FGFR1: variants seen among roughly 807,000 people sequenced by gnomAD.
The protein encoded by FGFR1 is fibroblast growth factor receptor 1, also known as FGFR1/PLAG1 fusion.
Under a neutral mutation model 93.7 loss-of-function variants are expected in FGFR1, and 18 were observed. The observed-to-expected ratio is 0.19, with a 90% CI of 0.13 to 0.28. The LOEUF is 0.28. Among genes scored for constraint, FGFR1 ranks in the 10% least tolerant of loss-of-function variants. The pLI is 1.00. For missense variants in FGFR1, 731 were observed against 1,080.4 expected, an observed-to-expected ratio of 0.68 and a Z score of 4.53; for synonymous variants, 448 against 429.3, an observed-to-expected ratio of 1.04 and a Z score of -0.54.
At chr8:38,415,191 G>C (rs1815972816) in intron 13 of FGFR1, among the ~76,000 whole-genome samples, 1 of 152,206 alleles carries the variant, frequency 6.6e-6, no homozygotes, top group African/African-American at 2.4e-5. Context: ...AGTCCACATG[G>C]GGCTGGGCTC....
In FGFR1 at chr8:38,411,310, A is replaced by C. The variant is rs1390700763; in HGVS notation, c.*2318T>G. 4 of 212,562 alleles carry C rather than the reference A, an allele frequency of 1.9e-5. No homozygotes were observed. Among genetic ancestry groups the C allele is most frequent in the African/African-American group, 9.0e-5 (4 of 44,214 alleles). 13.2% of individuals were successfully genotyped at this position (212,562 alleles called of 1,614,324 possible). A position where few individuals can be genotyped will look rare whatever the true frequency, so the allele number is the denominator to read the frequency against. ...ACTTTTAGATTCTTCATCCCTTCAC[A>C]CAACATTGCTTCAAGGTAGGGCCAA... On this transcript the variant is annotated 3_prime_UTR_variant, in exon 18 of 18. Transcript: ENST00000447712.
chr8:38,465,227 G>C (rs1187930874), intron 1 of FGFR1, among the ~76,000 whole-genome samples: 1 of 152,216 alleles, frequency 6.6e-6, no homozygotes, highest in Non-Finnish European at 1.5e-5. Flanking sequence ...CACCCTCCAT[G>C]GCCAGAGGCC....
At chr8:38,456,831 A>C (rs960128901) in intron 2 of FGFR1, among the ~76,000 whole-genome samples, 1 of 152,048 alleles carries the variant, frequency 6.6e-6, no homozygotes, top group African/African-American at 2.4e-5. Context: ...TTAGCCTCCC[A>C]GAGTGCTGAG....
Position 38,416,023 on chromosome 8 carries a change from G to T in FGFR1, c.1701C>A (p.Gly567=), listed in dbSNP as rs746696299. 6.2e-7 allele frequency: 1 copy of T among 1,613,674 alleles called. No individual in the cohort carries two copies. The stretch of plus-strand genomic sequence containing the variant: ...GGGCCTGCAGGTACTCCCGCAGGTT[G>T]CCCTTGGAGGCATACTCCACGATGA... ...LYVIVEYASK[G]NLREYLQARR... Residue 567 remains glycine (G), a synonymous_variant, in exon 13 of 18, where the codon GGC becomes GGA. Coordinates refer to ENST00000447712, the MANE Select transcript of FGFR1 (RefSeq NM_023110.3).
At chr8:38,451,077 T>C (rs1830918821) in intron 2 of FGFR1, among the ~76,000 whole-genome samples, 1 of 152,200 alleles carries the variant, frequency 6.6e-6, no homozygotes, top group Non-Finnish European at 1.5e-5. Flanking sequence ...TGCAGATTTC[T>C]AGAGGCCTAA....
Position 38,446,926 on chromosome 8 carries a change from G to A in FGFR1, c.91+10430C>T, listed in dbSNP as rs112331131. On this transcript the variant is annotated intron_variant, in intron 2 of 17. Transcript: ENST00000447712. ...ACTCAGGTGTCGGATCTGACACCTT[G>A]GGAACCTTCTCCATGTAGGTCTTTG... Among the ~76,000 whole-genome samples the A allele has an allele frequency of 5.9e-3, 897 of 152,224 alleles. 14 individuals are homozygous for A. Among genetic ancestry groups the A allele is most frequent in the African/African-American group, 0.02 (851 of 41,534 alleles).
chr8:38,436,344 C>A (rs1825413252), intron 2 of FGFR1, among the ~76,000 whole-genome samples: 1 of 152,110 alleles, frequency 6.6e-6, no homozygotes, highest in Non-Finnish European at 1.5e-5. Flanking sequence ...CACTGCACTC[C>A]AGCCTGGGCA....
At position 38,424,235 on chromosome 8, in the gene FGFR1, C is replaced by A; in HGVS notation, c.936+274G>T. The A allele has an allele frequency of 1.7e-6, 1 of 601,118 alleles. No homozygotes were observed. Among genetic ancestry groups the A allele is most frequent in the Non-Finnish European group, 3.2e-6 (1 of 316,564 alleles). The allele number at this position is 601,118 out of a possible 1,614,324, so 37.2% of individuals were successfully genotyped here. ...CAAATGCCTTCCTTGTGTAGCTGACCCCAAAGCCCCAGTGACGTTGCTCTC... is the reference window on the plus strand; with the variant it reads ...CAAATGCCTTCCTTGTGTAGCTGACACCAAAGCCCCAGTGACGTTGCTCTC... On this transcript the variant is annotated intron_variant, in intron 7 of 17. Coordinates refer to ENST00000447712, the MANE Select transcript of FGFR1 (RefSeq NM_023110.3). The surrounding 1 kb of genome is among the most constrained non-coding windows in gnomAD (Gnocchi z 4.3).
chr8:38,421,282 G>C (rs1319000400), intron 8 of FGFR1, among the ~76,000 whole-genome samples: 1 of 152,222 alleles, frequency 6.6e-6, no homozygotes, highest in African/African-American at 2.4e-5. Context: ...CCTTTCTGAA[G>C]GCAACTCAGT....
At chr8:38,449,102 AG>A (rs1830279174) in intron 2 of FGFR1, among the ~76,000 whole-genome samples, 1 of 151,504 alleles carries the variant, frequency 6.6e-6, no homozygotes, top group Non-Finnish European at 1.5e-5. Flanking sequence ...ACTAGGTCTC[AG>A]GAGAAAAAAA....
chr8:38,432,605 G>T (rs1241664082), intron 2 of FGFR1, among the ~76,000 whole-genome samples: 1 of 151,930 alleles, frequency 6.6e-6, no homozygotes, highest in East Asian at 1.9e-4. Flanking sequence ...TAGAGAAGGG[G>T]AATGTTGGTC....
At chr8:38,461,131 G>A (rs1347535336) in intron 1 of FGFR1, 1 of 1,535,942 alleles carries the variant, frequency 6.5e-7, no homozygotes, top group African/African-American at 1.4e-5. Flanking sequence ...AAGACTGAAT[G>A]GGCTGCATGG....
chr8:38,466,654 G>C (rs1294261781), intron 1 of FGFR1: 1 of 227,488 alleles, frequency 4.4e-6, no homozygotes. Context: ...ATGTTAAGGA[G>C]GGAGGTGGTC....
chr8:38,421,721 C>T (rs2150748411), intron 8 of FGFR1, 76 bp downstream of exon 8: 1 of 1,517,594 alleles, frequency 6.6e-7, no homozygotes, highest in Non-Finnish European at 9.2e-7. Flanking sequence ...CTGTGTCTCC[C>T]CAAGCCTGGA....
intron 2 of FGFR1, among the ~76,000 whole-genome samples, chr8:38,446,977 T>C (rs1319218206): frequency 6.6e-6 from 1 of 152,082 alleles, no homozygotes; most frequent in African/African-American, 2.4e-5. Flanking sequence ...GCAGCGTCCA[T>C]GGGGATTTTG....
intron 6 of FGFR1, among the ~76,000 whole-genome samples, chr8:38,425,686 C>A (rs557273943): frequency 1.3e-5 from 2 of 152,340 alleles, no homozygotes; most frequent in African/African-American, 2.4e-5. Context: ...AGCAAGGTGT[C>A]TGACCTCTCT....
At position 38,442,383 on chromosome 8, in the gene FGFR1, G is replaced by A. The variant is rs186092837; in HGVS notation, c.92-12435C>T. On this transcript the variant is annotated intron_variant, in intron 2 of 17. Transcript: ENST00000447712. ...AAGTGGTGTGTGTGTGTGTGTGTGT[G>A]TGTGTGTGTGTGCAGGGGTCCCACT... Among the ~76,000 whole-genome samples the A allele has an allele frequency of 7.0e-3, 1,070 of 152,122 alleles. 9 individuals are homozygous for A. Among genetic ancestry groups the A allele is most frequent in the Non-Finnish European group, 9.9e-3 (675 of 67,980 alleles).
intron 2 of FGFR1, among the ~76,000 whole-genome samples, chr8:38,447,049 T>C (rs988599268): frequency 6.6e-6 from 1 of 151,320 alleles, no homozygotes; most frequent in Non-Finnish European, 1.5e-5. Flanking sequence ...GACCTGTGAC[T>C]GATGTGTAAC....
At chr8:38,442,197 G>T (rs6987534) in intron 2 of FGFR1, among the ~76,000 whole-genome samples, 1 of 151,914 alleles carries the variant, frequency 6.6e-6, no homozygotes, top group Non-Finnish European at 1.5e-5. Flanking sequence ...TAGGTGGACT[G>T]TAAGTTGGGG....
Sources: allele counts gnomAD v4.1 joint callset (sites outside exome capture counted in the v4.1 genomes callset), GRCh38; gene constraint gnomAD v4.1.1; non-coding constraint Gnocchi (gnomAD v3.1); transcripts MANE v1.5; gene names NCBI Gene and HGNC (gene_info 2026-07-23, HGNC 2026-07-21).